SH3RF2: variants seen among roughly 807,000 people sequenced by gnomAD.
SH3RF2 encodes E3 ubiquitin-protein ligase SH3RF2.
In SH3RF2, 43 loss-of-function variants were observed where a neutral mutation model predicts 59.0. The ratio of observed to expected loss-of-function variants is 0.73; its 90% CI spans 0.57 to 0.94. SH3RF2 has a LOEUF of 0.94. Among genes scored for constraint, SH3RF2 ranks in the 40% least tolerant of loss-of-function variants. The probability of loss-of-function intolerance (pLI) is 0.00; values close to 1 mark genes in which losing one functional copy is unlikely to be tolerated. For synonymous variants in SH3RF2, 391 were observed against 391.5 expected, an observed-to-expected ratio of 1.00 and a Z score of 0.01; for missense variants, 930 against 940.1, an observed-to-expected ratio of 0.99 and a Z score of 0.14.
intron 7 of SH3RF2, chr5:146,050,016 C>T (rs557315304): frequency 1.3e-5 from 2 of 152,392 alleles, no homozygotes; most frequent in South Asian, 4.1e-4. Context: ...GGGTCACAAT[C>T]ACAGGGAAAG....
chr5:146,068,068 G>T (rs546020290), downstream of SH3RF2, among the ~76,000 whole-genome samples: 2 of 152,316 alleles, frequency 1.3e-5, no homozygotes, highest in South Asian at 4.2e-4. Flanking sequence ...ACCTTCACCT[G>T]GTCCTTGGCC....
At chr5:146,069,787 T>C (rs1763191776) in intron 9 of SH3RF2, among the ~76,000 whole-genome samples, 2 of 152,092 alleles carry the variant, frequency 1.3e-5, no homozygotes, top group Admixed American at 1.3e-4. Flanking sequence ...TTACCCAGAC[T>C]GGTCTCGAAC....
At chr5:146,047,939 G>A in intron 6 of SH3RF2, 76 bp downstream of exon 6, 1 of 1,353,948 alleles carries the variant, frequency 7.4e-7, no homozygotes, top group African/African-American at 1.4e-5. Flanking sequence ...TGGTGATCTA[G>A]CATCACCATT....
chr5:146,077,143 A>G (rs1763354265), intron 9 of SH3RF2, among the ~76,000 whole-genome samples: 1 of 152,164 alleles, frequency 6.6e-6, no homozygotes, highest in African/African-American at 2.4e-5. Context: ...CATGCAACAA[A>G]GTCATAAAGA....
chr5:146,056,159 C>T lies in SH3RF2; in HGVS notation c.1501C>T (p.Pro501Ser). The T allele has an allele frequency of 2.5e-6, 4 of 1,614,124 alleles. No individual in the cohort carries two copies. The highest frequency in any genetic ancestry group is 2.2e-5 in the East Asian group (1 of 44,864). Reference protein sequence around the residue: ...IVNPVRSTAGPGTLGQGSLRK... With the variant: ...IVNPVRSTAGSGTLGQGSLRK... ...CAACCCCGTGAGAAGCACAGCCGGCCCTGGGACTTTAGGACAAGGGTCTCT... is the reference window on the plus strand; with the variant it reads ...CAACCCCGTGAGAAGCACAGCCGGCTCTGGGACTTTAGGACAAGGGTCTCT... The change falls in exon 8 of 10, where the codon CCT (proline) becomes TCT (serine). Residue 501 changes from proline (P) to serine (S), a missense_variant. Pro to Ser is a moderately conservative substitution (Grantham distance 74, BLOSUM62 -1). Transcript: ENST00000359120.
chr5:145,948,894 A>T (rs1035246426), intron 2 of SH3RF2, among the ~76,000 whole-genome samples: 8 of 152,150 alleles, frequency 5.3e-5, no homozygotes, highest in Non-Finnish European at 1.0e-4. Flanking sequence ...ATGGGTAAGG[A>T]GGTGTCTTGT....
intron 9 of SH3RF2, among the ~76,000 whole-genome samples, chr5:146,068,396 G>C (rs1763155077): frequency 6.6e-6 from 1 of 152,172 alleles, no homozygotes; most frequent in Admixed American, 6.5e-5. Context: ...CTGGCACGGG[G>C]CAGTGCCGGG....
intron 3 of SH3RF2, among the ~76,000 whole-genome samples, chr5:146,003,741 A>C (rs1031019486): frequency 4.6e-5 from 7 of 152,334 alleles, no homozygotes; most frequent in Middle Eastern, 6.8e-3. Context: ...TATGGCTTCC[A>C]TCTTGATTTC....
At chr5:145,964,914 G>A (rs2149957238) in intron 2 of SH3RF2, among the ~76,000 whole-genome samples, 1 of 152,226 alleles carries the variant, frequency 6.6e-6, no homozygotes, top group South Asian at 2.1e-4. Context: ...AGTAACTGTA[G>A]GCCAGGCATG....
intron 5 of SH3RF2, among the ~76,000 whole-genome samples, chr5:146,038,834 C>G (rs958750264): frequency 6.6e-6 from 1 of 151,916 alleles, no homozygotes; most frequent in Non-Finnish European, 1.5e-5. Flanking sequence ...AATGGAAGAA[C>G]AAAAACGCCA....
intron 2 of SH3RF2, among the ~76,000 whole-genome samples, chr5:145,962,680 C>G (rs1758675330): frequency 6.6e-6 from 1 of 151,986 alleles, no homozygotes; most frequent in Admixed American, 6.6e-5. Flanking sequence ...CTTTCCCACC[C>G]CTCCACCAGA....
chr5:145,962,972 A>G (rs531463964), intron 2 of SH3RF2, among the ~76,000 whole-genome samples: 2 of 136,268 alleles, frequency 1.5e-5, no homozygotes, highest in South Asian at 4.4e-4. Flanking sequence ...ATCTTGGCTC[A>G]CTGCAAGCTC....
At chr5:146,016,620 TAA>T (rs941918219) in intron 5 of SH3RF2, among the ~76,000 whole-genome samples, 7 of 152,170 alleles carry the variant, frequency 4.6e-5, no homozygotes, top group Admixed American at 3.3e-4. Context: ...TGTAATTTAG[TAA>T]AGAGTCTGGA....
chr5:146,060,032 TGCCCTCACGGGGGAGCCC>T lies in SH3RF2; in HGVS notation c.1732_1749del (p.Gly578_Thr583del), dbSNP rs1762829132. ...TGGTGGTGGAGATGGGGTCCAAGCC[TGCCCTCACGGGGGAGCCC>T]GCCCTCACGTGCATCAGCAGGGGCA... On this transcript the variant is annotated inframe_deletion, in exon 9 of 10. Coordinates refer to ENST00000359120, the MANE Select transcript of SH3RF2 (RefSeq NM_152550.4). 22 of 1,612,106 alleles carry T rather than the reference TGCCCTCACGGGGGAGCCC, an allele frequency of 1.4e-5. No homozygotes were observed. The highest frequency in any genetic ancestry group is 1.9e-5 in the Non-Finnish European group (22 of 1,179,046).
At chr5:146,058,686 C>T (rs115720355) in intron 8 of SH3RF2, among the ~76,000 whole-genome samples, 1,738 of 152,126 alleles carry the variant, frequency 0.011, 39 homozygotes, top group African/African-American at 0.04. Context: ...TGCTGAGGGG[C>T]CCCTATGGAG....
At chr5:146,011,346 T>C (rs1008980012) in intron 4 of SH3RF2, among the ~76,000 whole-genome samples, 8 of 152,198 alleles carry the variant, frequency 5.3e-5, no homozygotes, top group African/African-American at 1.9e-4. Flanking sequence ...TGGCTTAGGA[T>C]TGACTCGGCA....
At chr5:146,057,364 A>AACAC (rs1344470556) in intron 8 of SH3RF2, among the ~76,000 whole-genome samples, 1 of 151,832 alleles carries the variant, frequency 6.6e-6, no homozygotes, top group Non-Finnish European at 1.5e-5. Context: ...CTCTCCCCAC[A>AACAC]ACACACACAC....
intron 4 of SH3RF2, among the ~76,000 whole-genome samples, chr5:146,004,875 C>A (rs1439678322): frequency 6.6e-6 from 1 of 152,028 alleles, no homozygotes; most frequent in East Asian, 1.9e-4. Flanking sequence ...ATACTTAACA[C>A]TACTGAACTG....
chr5:146,071,335 C>T (rs1020890187), intron 9 of SH3RF2, among the ~76,000 whole-genome samples: 2 of 152,120 alleles, frequency 1.3e-5, no homozygotes, highest in South Asian at 2.1e-4. Flanking sequence ...CTGCATTGCA[C>T]GAAGAGGACA....
Sources: allele counts gnomAD v4.1 joint callset (sites outside exome capture counted in the v4.1 genomes callset), GRCh38; gene constraint gnomAD v4.1.1; transcripts MANE v1.5; gene names NCBI Gene and HGNC (gene_info 2026-07-23, HGNC 2026-07-21).